TNFSF10: variants seen among roughly 807,000 people sequenced by gnomAD.
TNFSF10 encodes TNF superfamily member 10.
Under a neutral mutation model 29.5 loss-of-function variants are expected in TNFSF10, and 13 were observed. That is an observed-to-expected ratio of 0.44 (90% CI 0.29 to 0.70). TNFSF10 has a LOEUF of 0.70. Among genes scored for constraint, TNFSF10 ranks in the 30% least tolerant of loss-of-function variants. The pLI is 0.13. For missense variants in TNFSF10, 345 were observed against 330.9 expected (o/e 1.04, Z -0.33); for synonymous variants, 111 against 112.8 (o/e 0.98, Z 0.10).
In TNFSF10 at chr3:172,506,391, G is replaced by A. The variant is rs138020036; in HGVS notation, c.*101C>T. 7 of 1,404,632 alleles carry A rather than the reference G, an allele frequency of 5.0e-6. No individual in the cohort carries two copies. Among genetic ancestry groups the A allele is most frequent in the Non-Finnish European group, 6.7e-6 (7 of 1,049,698 alleles). The allele number at this position is 1,404,632 out of a possible 1,614,324, so 87.0% of individuals were successfully genotyped here. ...GAGGTTTTTTTGTTTTCTGTTTTCTGTTTGTTTGTTTTGGTCAGATTTTTT... is the reference window on the plus strand; with the variant it reads ...GAGGTTTTTTTGTTTTCTGTTTTCTATTTGTTTGTTTTGGTCAGATTTTTT... On this transcript the variant is annotated 3_prime_UTR_variant, in exon 5 of 5. Transcript: ENST00000241261.
rs144137341 is a variant in TNFSF10 at position 172,509,231 on chromosome 3, G to A, written c.404C>T (p.Thr135Ile). Residue 135 changes from threonine (T) to isoleucine (I), a missense_variant, in exon 4 of 5, where the codon ACA (threonine) becomes ATA (isoleucine). Transcript: ENST00000241261. ...HITGTRGRSNTLSSPNSKNEK... is the reference protein window; with the variant it reads ...HITGTRGRSNILSSPNSKNEK... The stretch of plus-strand genomic sequence containing the variant: ...GTTTCTCTTACTTGGAGAAGACAAT[G>A]TGTTGCTTCTTCCTCTGGTCCCAGT... 15 of 1,613,388 alleles carry A rather than the reference G, an allele frequency of 9.3e-6. No homozygotes were observed. In the Admixed American group the frequency reaches 1.0e-4, roughly 11 times the overall value.
chr3:172,517,840 A>G, intron 1 of TNFSF10: 1 of 984,750 alleles, frequency 1.0e-6, no homozygotes, highest in Non-Finnish European at 1.2e-6. Flanking sequence ...TAGAGATCAC[A>G]TTGTCATTTT....
chr3:172,514,750 T>G, intron 2 of TNFSF10, 111 bp downstream of exon 2: 1 of 1,413,636 alleles, frequency 7.1e-7, no homozygotes, highest in Non-Finnish European at 9.6e-7. Context: ...TAAGTTTTCT[T>G]ATTTGTAAAA....
intron 1 of TNFSF10, among the ~76,000 whole-genome samples, chr3:172,515,805 C>A (rs1266422416): frequency 6.6e-6 from 1 of 152,090 alleles, no homozygotes; most frequent in Admixed American, 6.5e-5. Context: ...CCACCCAGAA[C>A]TCTTTAGGCT....
Position 172,506,890 on chromosome 3 carries a change from T to C in TNFSF10, c.448A>G (p.Lys150Glu), listed in dbSNP as rs760642981. Reference protein sequence around the residue: ...NSKNEKALGRKINSWESSRSG... With the variant: ...NSKNEKALGREINSWESSRSG... ...CTTGATGATTCCCAGGAGTTTATTT[T>C]GCGGCCCAGAGCCTTTTCATTCTTG... is the stretch of plus-strand genomic sequence containing the variant. Residue 150 changes from lysine to glutamate, a missense_variant, in exon 5 of 5, where the codon AAA (lysine) becomes GAA (glutamate). Physicochemically the swap from Lys to Glu is moderately conservative, Grantham distance 56. Coordinates refer to ENST00000241261, the MANE Select transcript of TNFSF10 (RefSeq NM_003810.4). The C allele has an allele frequency of 1.4e-5, 22 of 1,612,970 alleles. No homozygotes were observed. Among genetic ancestry groups the C allele is most frequent in the Non-Finnish European group, 1.9e-5 (22 of 1,179,602 alleles).
At chr3:172,517,390 T>C (rs1447026320) in intron 1 of TNFSF10, 6 of 984,902 alleles carry the variant, frequency 6.1e-6, no homozygotes, top group Middle Eastern at 5.2e-4. Flanking sequence ...TGGGTATAAG[T>C]GGATGGGAGG....
chr3:172,513,834 A>ATT lies in TNFSF10; in HGVS notation c.270+1025_270+1026dup, dbSNP rs5854474. 3.2e-3 allele frequency among the ~76,000 whole-genome samples: 474 copies of ATT among 146,622 alleles called. 1 individual carries two copies. Among genetic ancestry groups the ATT allele is most frequent in the East Asian group, 0.026 (128 of 5,010 alleles). On this transcript the variant is annotated intron_variant, in intron 2 of 4. Coordinates refer to ENST00000241261, the MANE Select transcript of TNFSF10 (RefSeq NM_003810.4). ...TGATATTTTCACATAGGCAGAAGCA[A>ATT]TTTTTTTTTTTTTTTGGTTTTTGAG...
At chr3:172,522,462 T>C in intron 1 of TNFSF10, 1 of 1,390,120 alleles carries the variant, frequency 7.2e-7, no homozygotes, top group Admixed American at 1.7e-5. Context: ...CACCACTTAA[T>C]TGGTTAGAAT....
At chr3:172,522,265 C>A (rs1194319041) in intron 1 of TNFSF10, 6 of 659,440 alleles carry the variant, frequency 9.1e-6, no homozygotes, top group Admixed American at 2.1e-5. Flanking sequence ...AGCAATAGAC[C>A]TCATGTGAGT....
In TNFSF10 at chr3:172,511,631, A is replaced by G; in HGVS notation, c.299T>C (p.Ile100Thr). ...AAAGATACTACCTTGAACTGTAGAA[A>G]TGGTTTCCTCAGAGGTTCTCAAAAT... ...KMILRTSEETISTVQEKQQNI... is the reference protein window; with the variant it reads ...KMILRTSEETTSTVQEKQQNI... The change falls in exon 3 of 5, where the codon ATT becomes ACT. Residue 100 changes from isoleucine (I) to threonine (T), a missense_variant. Coordinates refer to ENST00000241261, the MANE Select transcript of TNFSF10 (RefSeq NM_003810.4). 1 of 1,611,610 alleles carries G rather than the reference A, an allele frequency of 6.2e-7. No homozygotes were observed. Among genetic ancestry groups the G allele is most frequent in the South Asian group, 1.1e-5 (1 of 90,904 alleles).
At chr3:172,514,487 A>T (rs530426375) in intron 2 of TNFSF10, among the ~76,000 whole-genome samples, 1 of 152,220 alleles carries the variant, frequency 6.6e-6, no homozygotes, top group Non-Finnish European at 1.5e-5. Flanking sequence ...AAATATCATT[A>T]TTTGATCTTC....
rs1713363585 is a variant in TNFSF10 at position 172,514,837 on chromosome 3, A to G, written c.270+24T>C. The stretch of plus-strand genomic sequence containing the variant: ...TTCTGGCCTTCTCCGCCTGCTGGTG[A>G]GGTCACCTGGTGAGGTTACCTACCT... On this transcript the variant is annotated intron_variant, in intron 2 of 4. Transcript: ENST00000241261. The G allele has an allele frequency of 1.9e-6, 3 of 1,612,280 alleles. No homozygotes were observed. The African/African-American group carries it at 4.0e-5, about 22-fold the overall frequency.
Position 172,506,306 on chromosome 3 carries a change from T to C in TNFSF10, c.*186A>G. ...CATTCTCTTGGGATAAGTGAGTCAC[T>C]TTCAGAACAGTGTGTGTTGTAGAAT... On this transcript the variant is annotated 3_prime_UTR_variant, in exon 5 of 5. Transcript: ENST00000241261. 3 of 606,410 alleles carry C rather than the reference T, an allele frequency of 4.9e-6. No individual in the cohort carries two copies. Among genetic ancestry groups the C allele is most frequent in the Non-Finnish European group, 8.3e-6 (3 of 360,304 alleles). 37.6% of individuals were successfully genotyped at this position (606,410 alleles called of 1,614,324 possible).
At chr3:172,508,678 T>G (rs1190342958) in intron 4 of TNFSF10, among the ~76,000 whole-genome samples, 1 of 152,006 alleles carries the variant, frequency 6.6e-6, no homozygotes, top group African/African-American at 2.4e-5. Context: ...TCACCTGAGG[T>G]CGGGAGTTCG....
chr3:172,514,314 G>C (rs367597444), intron 2 of TNFSF10, among the ~76,000 whole-genome samples: 9 of 152,074 alleles, frequency 5.9e-5, no homozygotes, highest in African/African-American at 2.2e-4. Flanking sequence ...GTTATTTATT[G>C]GCTGTAAATT....
At position 172,506,628 on chromosome 3, in the gene TNFSF10, T is replaced by C; in HGVS notation, c.710A>G (p.Tyr237Cys). 1 of 1,614,206 alleles carries C rather than the reference T, an allele frequency of 6.2e-7. No individual in the cohort carries two copies. Among genetic ancestry groups the C allele is most frequent in the Non-Finnish European group, 8.5e-7 (1 of 1,180,026 alleles). Residue 237 changes from tyrosine (Y) to cysteine (C), a missense_variant, in exon 5 of 5, where the codon TAT becomes TGT. By Grantham distance (194) the Tyr-to-Cys change is radical. Transcript: ENST00000241261. ...RNSCWSKDAEYGLYSIYQGGI... is the reference protein window; with the variant it reads ...RNSCWSKDAECGLYSIYQGGI... ...CCCTTGATAGATGGAATAGAGTCCA[T>C]ATTCTGCATCTTTAGACCAACAACT...
intron 1 of TNFSF10, chr3:172,522,127 G>A (rs1713724797): frequency 3.4e-6 from 1 of 293,904 alleles, no homozygotes; most frequent in Admixed American, 4.6e-5. Flanking sequence ...GTTGATGGGT[G>A]CAGCAAACCA....
chr3:172,516,547 T>C (rs1713445131), intron 1 of TNFSF10, among the ~76,000 whole-genome samples: 1 of 152,224 alleles, frequency 6.6e-6, no homozygotes, highest in Non-Finnish European at 1.5e-5. Flanking sequence ...CTTGAGTTAA[T>C]AAATTTCTTC....
At position 172,506,675 on chromosome 3, in the gene TNFSF10, C is replaced by A. The variant is rs748129952; in HGVS notation, c.663G>T (p.Leu221Phe). The A allele has an allele frequency of 6.2e-7, 1 of 1,614,182 alleles. No individual in the cohort carries two copies. Reference sequence around the variant, plus strand: ...AACTATTTCTAGCACTTTTCATCAACAATATAGGGTCAGGATAACTTGTGT... The same window carrying A: ...AACTATTTCTAGCACTTTTCATCAAAAATATAGGGTCAGGATAACTTGTGT... ...YKYTSYPDPI[L>F]LMKSARNSCW... Residue 221 changes from leucine (L) to phenylalanine (F), a missense_variant, in exon 5 of 5, where the codon TTG becomes TTT. Coordinates refer to ENST00000241261, the MANE Select transcript of TNFSF10 (RefSeq NM_003810.4).
Sources: allele counts gnomAD v4.1 joint callset (sites outside exome capture counted in the v4.1 genomes callset), GRCh38; gene constraint gnomAD v4.1.1; transcripts MANE v1.5; gene names NCBI Gene and HGNC (gene_info 2026-07-23, HGNC 2026-07-21).